HDAC5: variants seen among roughly 807,000 people sequenced by gnomAD.
The protein encoded by HDAC5 is antigen NY-CO-9.
In HDAC5, 25 loss-of-function variants were observed where a neutral mutation model predicts 133.3. That is an observed-to-expected ratio of 0.19 (90% CI 0.14 to 0.26). The LOEUF (loss-of-function observed/expected upper bound fraction) is 0.26, where lower values mean the gene tolerates loss of function less well. Among genes scored for constraint, HDAC5 ranks in the 10% least tolerant of loss-of-function variants. The probability of loss-of-function intolerance (pLI) is 1.00; values close to 1 mark genes in which losing one functional copy is unlikely to be tolerated. For missense variants in HDAC5, 1,041 were observed against 1,460.5 expected, an observed-to-expected ratio of 0.71 and a Z score of 4.68; for synonymous variants, 589 against 610.8, an observed-to-expected ratio of 0.96 and a Z score of 0.53.
chr17:44,080,339 C>T (rs2050331757), intron 22 of HDAC5, 62 bp downstream of exon 22: 1 of 1,571,444 alleles, frequency 6.4e-7, no homozygotes, highest in East Asian at 2.2e-5. Flanking sequence ...TGCCTTCTGC[C>T]CCTCCCACTG....
In HDAC5 at chr17:44,088,567, C is replaced by A. The variant is rs376274172; in HGVS notation, c.1419G>T (p.Thr473=). The stretch of plus-strand genomic sequence containing the variant: ...GCATGCTGGTGGCCACACGTTCACC[C>A]GTCACTAGTGGGGACTGCCCGTGGA... The part of the protein sequence containing the change: ...VPLHGQSPLV[T]GERVATSMRT... Residue 473 remains threonine (T), a synonymous_variant, in exon 12 of 27, where the codon ACG becomes ACT. Coordinates refer to ENST00000682912, the MANE Select transcript of HDAC5 (RefSeq NM_005474.5). 8.7e-6 allele frequency: 14 copies of A among 1,613,526 alleles called. No homozygotes were observed. The highest frequency in any genetic ancestry group is 6.7e-5 in the Admixed American group (4 of 60,018).
intron 3 of HDAC5, among the ~76,000 whole-genome samples, chr17:44,102,724 T>C (rs909368510): frequency 7.3e-6 from 1 of 137,386 alleles, no homozygotes; most frequent in African/African-American, 2.8e-5. Flanking sequence ...TGCGGTGGGG[T>C]GGGGTGATCT....
intron 3 of HDAC5, among the ~76,000 whole-genome samples, chr17:44,095,455 G>C (rs1371986220): frequency 6.6e-6 from 1 of 151,926 alleles, no homozygotes; most frequent in Non-Finnish European, 1.5e-5. Context: ...TCTACCCTCT[G>C]TCCCCTTCTG....
chr17:44,093,771 C>G lies in HDAC5; in HGVS notation c.158G>C (p.Ser53Thr). ...PSSMGGGGGG[S>T]PSPVELRGAL... ...CCCCCGTAGCTCCACAGGGCTGGGG[C>G]TGCCTCCACCCCCACCCCCCATGGA... Residue 53 changes from serine to threonine, a missense_variant, in exon 4 of 27, where the codon AGC (serine) becomes ACC (threonine). Ser to Thr is a moderately conservative substitution (Grantham distance 58, BLOSUM62 1). Around this residue, in one of 9 missense-constraint regions of HDAC5, gnomAD observed 93 missense variants for 98.8 expected, o/e 0.94. Coordinates refer to ENST00000682912, the MANE Select transcript of HDAC5 (RefSeq NM_005474.5). 6.3e-7 allele frequency: 1 copy of G among 1,580,390 alleles called. No homozygotes were observed. Among genetic ancestry groups the G allele is most frequent in the Non-Finnish European group, 8.6e-7 (1 of 1,161,894 alleles).
At chr17:44,078,972 C>CA in intron 24 of HDAC5, 93 bp from the exon 25 acceptor site, 2 of 1,519,232 alleles carry the variant, frequency 1.3e-6, no homozygotes. Flanking sequence ...ATATCCCTCA[C>CA]AACAGGGGCA....
At chr17:44,094,173 A>G (rs548611301) in intron 3 of HDAC5, among the ~76,000 whole-genome samples, 1 of 152,096 alleles carries the variant, frequency 6.6e-6, no homozygotes, top group African/African-American at 2.4e-5. Flanking sequence ...AAATACAAAA[A>G]TTATTTGGGC....
At chr17:44,116,968 C>T (rs1332980656) in intron 2 of HDAC5, among the ~76,000 whole-genome samples, 1 of 152,194 alleles carries the variant, frequency 6.6e-6, no homozygotes, top group Non-Finnish European at 1.5e-5. Context: ...CTCCTCTACA[C>T]ACGTCACCCC....
chr17:44,118,568 C>T (rs967864251), intron 1 of HDAC5, among the ~76,000 whole-genome samples: 2 of 152,132 alleles, frequency 1.3e-5, no homozygotes, highest in East Asian at 1.9e-4. Flanking sequence ...ATTACAGGAC[C>T]ACGGCTTTGC....
chr17:44,102,643 G>A (rs1424191733), intron 3 of HDAC5, among the ~76,000 whole-genome samples: 1 of 150,246 alleles, frequency 6.7e-6, no homozygotes, highest in Non-Finnish European at 1.5e-5. Context: ...ACAGGCATGA[G>A]CCATATGCCC....
intron 3 of HDAC5, among the ~76,000 whole-genome samples, chr17:44,106,250 A>G (rs1265516875): frequency 6.6e-6 from 1 of 152,162 alleles, no homozygotes; most frequent in African/African-American, 2.4e-5. Context: ...GTTCAACTTT[A>G]TTCCTGAGCC....
chr17:44,083,412 C>G (rs1400168130), intron 18 of HDAC5, 133 bp downstream of exon 18: 4 of 648,326 alleles, frequency 6.2e-6, no homozygotes, highest in Non-Finnish European at 1.1e-5. Flanking sequence ...CAACTCCTTC[C>G]CACCCTGGTG....
At chr17:44,107,620 A>AG (rs2052046064) in intron 3 of HDAC5, among the ~76,000 whole-genome samples, 1 of 151,052 alleles carries the variant, frequency 6.6e-6, no homozygotes. Flanking sequence ...AAAAAAAAAA[A>AG]AAAAAAAAGG....
intron 3 of HDAC5, among the ~76,000 whole-genome samples, chr17:44,097,743 G>T (rs1350744446): frequency 6.6e-6 from 1 of 152,252 alleles, no homozygotes; most frequent in African/African-American, 2.4e-5. Context: ...CCTGCCCAGG[G>T]AAGGGCAGAG....
At chr17:44,086,220 A>G (rs2050641826) in intron 14 of HDAC5, among the ~76,000 whole-genome samples, 1 of 152,196 alleles carries the variant, frequency 6.6e-6, no homozygotes, top group Non-Finnish European at 1.5e-5. Context: ...TGGCAGCTTC[A>G]TAGGGAAGAG....
Position 44,078,635 on chromosome 17 carries a change from G to A in HDAC5, c.3194C>T (p.Ala1065Val), listed in dbSNP as rs1284054751. The A allele has an allele frequency of 6.2e-7, 1 of 1,605,950 alleles. No individual in the cohort carries two copies. The highest frequency in any genetic ancestry group is 8.5e-7 in the Non-Finnish European group (1 of 1,179,520). Residue 1065 changes from alanine to valine, a missense_variant, in exon 26 of 27, where the codon GCC (alanine) becomes GTC (valine). Transcript: ENST00000682912. ...SKHWSCVQKF[A>V]AGLGRSLREA... ...TCGCAGGGACCGGCCCAGACCAGCG[G>A]CGAACTTCTGCACACAGCTCCAGTG... is the stretch of plus-strand genomic sequence containing the variant.
At chr17:44,120,601 G>C (rs1392778987) in intron 1 of HDAC5, 1 of 152,170 alleles carries the variant, frequency 6.6e-6, no homozygotes. Flanking sequence ...AATTGGCCAG[G>C]TGTGGTGGCG....
chr17:44,093,747 C>T lies in HDAC5; in HGVS notation c.182G>A (p.Gly61Glu), dbSNP rs868200417. ...GGSPSPVELR[G>E]ALVGSVDPTL... is the part of the protein sequence containing the mutation. The stretch of plus-strand genomic sequence containing the variant: ...GGGGTCCACAGAGCCCACCAGAGCC[C>T]CCCGTAGCTCCACAGGGCTGGGGCT... Residue 61 changes from glycine (G) to glutamate (E), a missense_variant, in exon 4 of 27, where the codon GGG (glycine) becomes GAG (glutamate). Physicochemically the swap from Gly to Glu is moderately conservative, Grantham distance 98. Transcript: ENST00000682912. The T allele has an allele frequency of 1.2e-6, 2 of 1,602,502 alleles. No homozygotes were observed. The highest frequency in any genetic ancestry group is 1.3e-5 in the African/African-American group (1 of 74,850).
At position 44,091,480 on chromosome 17, in the gene HDAC5, G is replaced by A; in HGVS notation, c.1177C>T (p.Leu393=). 6.5e-7 allele frequency: 1 copy of A among 1,545,494 alleles called. No individual in the cohort carries two copies. Residue 393 remains leucine (L), a synonymous_variant, in exon 11 of 27, where the codon CTG becomes TTG. Coordinates refer to ENST00000682912, the MANE Select transcript of HDAC5 (RefSeq NM_005474.5). ...TNSHLTASPK[L]STQQEAERQA... Reference sequence around the variant, plus strand: ...CTCTCGGCCTCCTGCTGTGTCGACAGCTTCGGGGAGGCCTGGGGGGTGAAG... The same window carrying A: ...CTCTCGGCCTCCTGCTGTGTCGACAACTTCGGGGAGGCCTGGGGGGTGAAG...
chr17:44,108,092 G>A (rs1024074188), intron 3 of HDAC5, among the ~76,000 whole-genome samples: 2 of 152,160 alleles, frequency 1.3e-5, no homozygotes, highest in African/African-American at 4.8e-5. Context: ...TGCCCACTGT[G>A]CACTGGGGAG....
Sources: gnomAD v4.1 joint callset for allele counts (sites outside exome capture counted in the v4.1 genomes callset) on GRCh38, gnomAD v4.1.1 for gene constraint, gnomAD v4.1.1 regional missense constraint, MANE v1.5 for transcripts, NCBI Gene and HGNC (gene_info 2026-07-23, HGNC 2026-07-21) for gene names.